The following ADK variants were observed in gnomAD, a reference collection of about 807,000 sequenced individuals.
The protein encoded by ADK is adenosine kinase, also known as N6,N6-dimethyladenosine kinase.
In ADK, 24 loss-of-function variants were observed where a neutral mutation model predicts 44.7. The observed-to-expected ratio is 0.54, with a 90% CI of 0.39 to 0.76. The LOEUF (loss-of-function observed/expected upper bound fraction) is 0.76, where lower values mean the gene tolerates loss of function less well. Ranked by LOEUF, ADK falls within the 30% of genes least tolerant of loss-of-function variation. The pLI, the probability that ADK is intolerant of heterozygous loss-of-function variation, is 0.00. For missense variants in ADK, 321 were observed against 425.1 expected, an observed-to-expected ratio of 0.76 and a Z score of 2.15; for synonymous variants, 128 against 142.6, an observed-to-expected ratio of 0.90 and a Z score of 0.73.
At chr10:74,680,960 C>T (rs1855582918) in intron 10 of ADK, among the ~76,000 whole-genome samples, 1 of 152,164 alleles carries the variant, frequency 6.6e-6, no homozygotes, top group African/African-American at 2.4e-5. Context: ...TCATCAAATG[C>T]TCTTAAAATT....
At position 74,695,619 on chromosome 10, in the gene ADK, GGTGTGT is replaced by G. The variant is rs749294668; in HGVS notation, c.965-12668_965-12663del. Among the ~76,000 whole-genome samples the G allele has an allele frequency of 5.5e-3, 500 of 90,108 alleles. 5 individuals are homozygous for G. The highest frequency in any genetic ancestry group is 0.019 in the African/African-American group (464 of 24,604). 59.1% of individuals were successfully genotyped at this position (90,108 alleles called of 152,430 possible). The stretch of plus-strand genomic sequence containing the variant: ...TTTTACAATTCCTGTGTATGTGTGG[GGTGTGT>G]GTGTGTGTGTGTGTGTGTGTGTGTG... On this transcript the variant is annotated intron_variant, in intron 10 of 10. Transcript: ENST00000539909.
At position 74,573,177 on chromosome 10, in the gene ADK, T is replaced by G. The variant is rs1851036326; in HGVS notation, c.727-16105T>G. 3.3e-5 allele frequency among the ~76,000 whole-genome samples: 5 copies of G among 151,982 alleles called. No individual in the cohort carries two copies. In the South Asian group the frequency reaches 1.0e-3, roughly 32 times the overall value. ...TGATGATGGTGATGTACAGACGGGT[T>G]TTTGGTGTGGATGTCCTTTCTGTTT... is the stretch of plus-strand genomic sequence containing the variant. On this transcript the variant is annotated intron_variant, in intron 7 of 10. Transcript: ENST00000539909.
intron 3 of ADK, among the ~76,000 whole-genome samples, chr10:74,244,939 C>T (rs1308871717): frequency 2.0e-5 from 3 of 152,146 alleles, no homozygotes; most frequent in Non-Finnish European, 4.4e-5. Context: ...AAGATTTAGC[C>T]AGCTCTTAAA....
intron 6 of ADK, among the ~76,000 whole-genome samples, chr10:74,524,212 T>C (rs946605652): frequency 2.0e-5 from 3 of 152,336 alleles, no homozygotes; most frequent in Middle Eastern, 3.4e-3. Flanking sequence ...TGTACATAAA[T>C]AGCATTTTAA....
intron 4 of ADK, among the ~76,000 whole-genome samples, chr10:74,338,830 G>A (rs943005601): frequency 2.0e-5 from 3 of 152,136 alleles, no homozygotes; most frequent in African/African-American, 7.2e-5. Flanking sequence ...TGTGGTGATG[G>A]AATAGTTCTG....
intron 6 of ADK, among the ~76,000 whole-genome samples, chr10:74,458,528 A>C (rs1487809871): frequency 2.0e-5 from 3 of 152,112 alleles, no homozygotes; most frequent in African/African-American, 7.2e-5. Context: ...GTTGTAAGTT[A>C]TCTCTCCGTT....
intron 6 of ADK, among the ~76,000 whole-genome samples, chr10:74,489,227 A>C (rs971198499): frequency 6.6e-6 from 1 of 151,986 alleles, no homozygotes; most frequent in African/African-American, 2.4e-5. Context: ...CTTCTTTTCA[A>C]TCAGATAATA....
chr10:74,307,164 C>A (rs1427553188), intron 3 of ADK, among the ~76,000 whole-genome samples: 1 of 152,180 alleles, frequency 6.6e-6, no homozygotes, highest in Admixed American at 6.5e-5. Context: ...CTAGGGCTTT[C>A]ATTTCTTGCC....
At chr10:74,154,431 G>A (rs1841695263) in intron 1 of ADK, among the ~76,000 whole-genome samples, 1 of 152,038 alleles carries the variant, frequency 6.6e-6, no homozygotes, top group African/African-American at 2.4e-5. Flanking sequence ...ACTATGCCTG[G>A]CTAATTTTTG....
intron 6 of ADK, among the ~76,000 whole-genome samples, chr10:74,503,034 G>A (rs1407082263): frequency 6.6e-6 from 1 of 151,984 alleles, no homozygotes; most frequent in African/African-American, 2.4e-5. Context: ...TTTTTATCTG[G>A]GTTGTTGTTT....
At chr10:74,651,601 A>T (rs767570923) in intron 9 of ADK, among the ~76,000 whole-genome samples, 39 of 152,208 alleles carry the variant, frequency 2.6e-4, no homozygotes, top group Non-Finnish European at 5.3e-4. Flanking sequence ...AAGGTTATTT[A>T]AAACAGAATC....
chr10:74,503,035 G>A (rs1847934785), intron 6 of ADK, among the ~76,000 whole-genome samples: 1 of 152,022 alleles, frequency 6.6e-6, no homozygotes, highest in South Asian at 2.1e-4. Context: ...TTTTATCTGG[G>A]TTGTTGTTTT....
At chr10:74,386,144 C>T (rs1037135751) in intron 4 of ADK, among the ~76,000 whole-genome samples, 2 of 152,096 alleles carry the variant, frequency 1.3e-5, no homozygotes, top group Non-Finnish European at 2.9e-5. Context: ...CAATCTATTT[C>T]AGTTTTGATT....
rs538656663 is a variant in ADK, at chr10:74,394,192, A to C, written c.325A>C (p.Ile109Leu). The change falls in exon 5 of 11, where the codon ATA becomes CTA. Residue 109 changes from isoleucine to leucine, a missense_variant. By Grantham distance (5) the Ile-to-Leu change is conservative. Coordinates refer to ENST00000539909, the MANE Select transcript of ADK (RefSeq NM_006721.4). ...KAATFFGCIG[I>L]DKFGEILKRK... is the part of the protein sequence containing the mutation. ...AGCAACATTTTTTGGATGCATTGGG[A>C]TAGATAAATTTGGGGAGATCCTGAA... The C allele has an allele frequency of 1.1e-5, 18 of 1,613,928 alleles. No individual in the cohort carries two copies. In the South Asian group the frequency reaches 2.0e-4, roughly 18 times the overall value.
At chr10:74,507,729 A>G (rs1215783642) in intron 6 of ADK, among the ~76,000 whole-genome samples, 2 of 152,224 alleles carry the variant, frequency 1.3e-5, no homozygotes, top group Non-Finnish European at 2.9e-5. Context: ...TGCTGTATCA[A>G]ACAAAAAAAG....
intron 10 of ADK, among the ~76,000 whole-genome samples, chr10:74,680,298 G>A (rs977326989): frequency 1.4e-5 from 2 of 139,808 alleles, no homozygotes; most frequent in Admixed American, 7.4e-5. Flanking sequence ...CTGGGCGACA[G>A]AGCAAGACTC....
chr10:74,464,094 G>T (rs1266647558), intron 6 of ADK, among the ~76,000 whole-genome samples: 1 of 152,040 alleles, frequency 6.6e-6, no homozygotes, highest in Non-Finnish European at 1.5e-5. Flanking sequence ...TATACGTATA[G>T]TCTTTTTACA....
At chr10:74,221,059 A>T (rs1333151528) in intron 2 of ADK, among the ~76,000 whole-genome samples, 1 of 145,380 alleles carries the variant, frequency 6.9e-6, no homozygotes, top group Non-Finnish European at 1.5e-5. Flanking sequence ...GTATTCAATT[A>T]GGAAAAGAGG....
chr10:74,181,054 G>A lies in ADK; in HGVS notation c.66-19710G>A, dbSNP rs1842535680. On this transcript the variant is annotated intron_variant, in intron 1 of 10. Transcript: ENST00000539909. ...AAAATGTTTAAATCTTAAATTTTTA[G>A]ACAGGAAACAAATTTACCTATCTAA... Among the ~76,000 whole-genome samples the A allele has an allele frequency of 2.0e-5, 3 of 152,150 alleles. No individual in the cohort carries two copies. The South Asian group carries it at 6.2e-4, about 31-fold the overall frequency.
Sources: gnomAD v4.1 joint callset for allele counts (sites outside exome capture counted in the v4.1 genomes callset) on GRCh38, gnomAD v4.1.1 for gene constraint, MANE v1.5 for transcripts, NCBI Gene and HGNC (gene_info 2026-07-23, HGNC 2026-07-21) for gene names.